SLC24A2: variants seen among roughly 807,000 people sequenced by gnomAD.
SLC24A2 encodes the protein solute carrier family 24 member 2.
SLC24A2 carries 36 observed loss-of-function variants against 62.0 expected under a neutral mutation model. The ratio of observed to expected loss-of-function variants is 0.58; its 90% CI spans 0.44 to 0.77. The LOEUF is 0.77. Ranked by LOEUF, SLC24A2 falls within the 30% of genes least tolerant of loss-of-function variation. SLC24A2 has a pLI of 0.00. For synonymous variants in SLC24A2, 358 were observed against 294.0 expected (o/e 1.22, Z -2.23); for missense variants, 846 against 817.9 (o/e 1.03, Z -0.42).
At chr9:20,053,408 G>A in the SLC24A2 span, among the ~76,000 whole-genome samples, 1 of 151,992 alleles carries the variant, frequency 6.6e-6, no homozygotes, top group African/African-American at 2.4e-5. Context: ...CCTCCCTTTT[G>A]TTTGCCTTTC....
At chr9:19,569,510 C>T (rs1488607344) in intron 7 of SLC24A2, among the ~76,000 whole-genome samples, 1 of 151,472 alleles carries the variant, frequency 6.6e-6, no homozygotes, top group African/African-American at 2.4e-5. Flanking sequence ...CCTTCATGAT[C>T]CACATACTTC....
the SLC24A2 span, among the ~76,000 whole-genome samples, chr9:19,975,880 A>T: frequency 6.6e-6 from 1 of 152,054 alleles, no homozygotes; most frequent in Admixed American, 6.6e-5. Flanking sequence ...AAAAATAACA[A>T]TATGACCATA....
chr9:20,006,995 C>T, the SLC24A2 span, among the ~76,000 whole-genome samples: 7 of 152,254 alleles, frequency 4.6e-5, no homozygotes, highest in African/African-American at 1.7e-4. Context: ...ATTTTTACTA[C>T]ATCACTGTTT....
intron 2 of SLC24A2, among the ~76,000 whole-genome samples, chr9:19,783,765 G>A (rs1489591475): frequency 6.6e-6 from 1 of 152,106 alleles, no homozygotes; most frequent in Non-Finnish European, 1.5e-5. Flanking sequence ...ACTTAAAAAC[G>A]TGTGACTGTG....
chr9:20,126,947 G>T, the SLC24A2 span, among the ~76,000 whole-genome samples: 77 of 152,236 alleles, frequency 5.1e-4, 1 homozygote, highest in African/African-American at 1.8e-3. Context: ...TTACATAACA[G>T]AGGGAATAGC....
chr9:19,790,623 C>G (rs912841539), upstream of SLC24A2, among the ~76,000 whole-genome samples: 2 of 150,650 alleles, frequency 1.3e-5, no homozygotes. Context: ...AACAACTGAA[C>G]AGATTGATTG....
the SLC24A2 span, among the ~76,000 whole-genome samples, chr9:19,868,592 T>A: frequency 1.3e-5 from 2 of 152,198 alleles, no homozygotes; most frequent in African/African-American, 4.8e-5. Flanking sequence ...ATTATTTTTG[T>A]CTATTTCTCT....
intron 5 of SLC24A2, among the ~76,000 whole-genome samples, chr9:19,596,813 T>C (rs1377723145): frequency 6.6e-6 from 1 of 152,208 alleles, no homozygotes; most frequent in East Asian, 1.9e-4. Context: ...ACTTCAGATC[T>C]TTCATTCCTT....
At chr9:20,166,540 A>C in the SLC24A2 span, among the ~76,000 whole-genome samples, 1 of 152,024 alleles carries the variant, frequency 6.6e-6, no homozygotes, top group East Asian at 1.9e-4. Flanking sequence ...GTGAAAAAAT[A>C]ACAATGTACA....
At chr9:20,106,281 C>A in the SLC24A2 span, among the ~76,000 whole-genome samples, 4 of 152,020 alleles carry the variant, frequency 2.6e-5, no homozygotes, top group African/African-American at 9.7e-5. Flanking sequence ...AAGGAGGAGC[C>A]AGTACCATTC....
the SLC24A2 span, among the ~76,000 whole-genome samples, chr9:20,033,949 C>A: frequency 3.9e-5 from 6 of 152,206 alleles, no homozygotes; most frequent in South Asian, 4.1e-4. Context: ...TGAATTCTTT[C>A]CTGCAAGAAG....
At chr9:19,782,533 T>A (rs1195762323) in intron 2 of SLC24A2, among the ~76,000 whole-genome samples, 1 of 152,230 alleles carries the variant, frequency 6.6e-6, no homozygotes, top group Non-Finnish European at 1.5e-5. Flanking sequence ...CTAGAGCTTA[T>A]GAATATTATA....
the SLC24A2 span, among the ~76,000 whole-genome samples, chr9:19,818,031 A>G: frequency 6.6e-6 from 1 of 152,138 alleles, no homozygotes; most frequent in Admixed American, 6.6e-5. Context: ...TACAGGCATG[A>G]GCCACCACAC....
At chr9:20,284,825 A>G in the SLC24A2 span, among the ~76,000 whole-genome samples, 1 of 152,154 alleles carries the variant, frequency 6.6e-6, no homozygotes, top group South Asian at 2.1e-4. Flanking sequence ...GCCCTAGCAA[A>G]TAGAAACAAA....
At chr9:19,534,524 C>G (rs572653356) in intron 8 of SLC24A2, among the ~76,000 whole-genome samples, 79 of 151,920 alleles carry the variant, frequency 5.2e-4, no homozygotes, top group Non-Finnish European at 1.0e-3. Context: ...CACCCCTTGA[C>G]AGGCTCCAGT....
At chr9:20,201,713 G>C in the SLC24A2 span, among the ~76,000 whole-genome samples, 5 of 152,054 alleles carry the variant, frequency 3.3e-5, no homozygotes, top group African/African-American at 1.2e-4. Context: ...TATCAAGATG[G>C]AAACAGTTTT....
At chr9:19,978,597 T>C in the SLC24A2 span, among the ~76,000 whole-genome samples, 1 of 152,148 alleles carries the variant, frequency 6.6e-6, no homozygotes, top group Non-Finnish European at 1.5e-5. Context: ...GGGTATTTTT[T>C]TTTTCTTCAG....
the SLC24A2 span, among the ~76,000 whole-genome samples, chr9:20,152,652 G>A: frequency 6.6e-6 from 1 of 151,814 alleles, no homozygotes; most frequent in Non-Finnish European, 1.5e-5. Context: ...AAATTGCCTT[G>A]AAAAAGGACA....
the SLC24A2 span, among the ~76,000 whole-genome samples, chr9:20,038,594 C>T: frequency 3.7e-4 from 49 of 132,576 alleles, no homozygotes; most frequent in African/African-American, 1.1e-3. Flanking sequence ...TCCCTTTCTA[C>T]GATATTTTTT....
Sources: allele counts gnomAD v4.1 joint callset (sites outside exome capture counted in the v4.1 genomes callset), GRCh38; gene constraint gnomAD v4.1.1; transcripts MANE v1.5; gene names NCBI Gene and HGNC (gene_info 2026-07-23, HGNC 2026-07-21).